The following VPS41 variants were observed in gnomAD, a reference collection of about 807,000 sequenced individuals.
The protein encoded by VPS41 is vacuolar protein sorting-associated protein 41 homolog.
Under a neutral mutation model 130.9 loss-of-function variants are expected in VPS41, and 85 were observed. The ratio of observed to expected loss-of-function variants is 0.65; its 90% CI spans 0.55 to 0.78. The LOEUF (loss-of-function observed/expected upper bound fraction) is 0.78. VPS41 is among the 30% of genes least tolerant of loss of function. The pLI, the probability that VPS41 is intolerant of heterozygous loss-of-function variation, is 0.00. For synonymous variants in VPS41, 335 were observed against 332.9 expected, an observed-to-expected ratio of 1.01 and a Z score of -0.07; for missense variants, 874 against 1,018.7, an observed-to-expected ratio of 0.86 and a Z score of 1.93.
chr7:38,802,777 G>C (rs555246342), intron 7 of VPS41, among the ~76,000 whole-genome samples: 3 of 152,160 alleles, frequency 2.0e-5, no homozygotes, highest in African/African-American at 7.2e-5. Context: ...GACCTACTGA[G>C]CACGAATGTT....
At chr7:38,857,514 C>T (rs1321136468) in intron 4 of VPS41, among the ~76,000 whole-genome samples, 1 of 152,176 alleles carries the variant, frequency 6.6e-6, no homozygotes, top group Non-Finnish European at 1.5e-5. Context: ...TTAACAGAGA[C>T]ATGGCACAAT....
At chr7:38,796,910 A>G in intron 7 of VPS41, 46 bp from the exon 8 acceptor site, 1 of 1,610,750 alleles carries the variant, frequency 6.2e-7, no homozygotes, top group Non-Finnish European at 8.5e-7. Flanking sequence ...ACTGAAAATA[A>G]TGTATCAGGT....
intron 7 of VPS41, among the ~76,000 whole-genome samples, chr7:38,807,527 G>C (rs775984679): frequency 5.9e-5 from 9 of 152,058 alleles, no homozygotes; most frequent in Non-Finnish European, 1.5e-5. Context: ...TCTGACTAAT[G>C]GTCTTATTAA....
chr7:38,889,247 A>G (rs888645312), intron 2 of VPS41, among the ~76,000 whole-genome samples: 1 of 152,126 alleles, frequency 6.6e-6, no homozygotes, highest in African/African-American at 2.4e-5. Context: ...AACTTTCACA[A>G]TTTGGTGAAG....
At chr7:38,868,433 G>C (rs1383198374) in intron 3 of VPS41, among the ~76,000 whole-genome samples, 1 of 152,200 alleles carries the variant, frequency 6.6e-6, no homozygotes, top group Non-Finnish European at 1.5e-5. Context: ...AGTAACATAG[G>C]ATAAAGCCAG....
chr7:38,771,068 A>G (rs536648594), intron 14 of VPS41, 130 bp downstream of exon 14: 15 of 698,396 alleles, frequency 2.1e-5, no homozygotes, highest in African/African-American at 1.1e-4. Context: ...TTGATCTCAT[A>G]GGTTAGGGAA....
At chr7:38,791,955 C>A (rs940328191) in intron 9 of VPS41, among the ~76,000 whole-genome samples, 4 of 152,054 alleles carry the variant, frequency 2.6e-5, no homozygotes, top group Non-Finnish European at 4.4e-5. Flanking sequence ...ACTCAGACAC[C>A]CCTGAAAGAC....
At chr7:38,838,530 T>G (rs749250243) in intron 4 of VPS41, among the ~76,000 whole-genome samples, 6 of 152,198 alleles carry the variant, frequency 3.9e-5, no homozygotes, top group African/African-American at 9.7e-5. Context: ...AATGGAGACA[T>G]GTTTGGAATT....
At chr7:38,787,322 G>C (rs1277480786) in intron 10 of VPS41, among the ~76,000 whole-genome samples, 1 of 152,110 alleles carries the variant, frequency 6.6e-6, no homozygotes, top group African/African-American at 2.4e-5. Flanking sequence ...GATCATGGAA[G>C]ACTTTGGTGA....
chr7:38,772,636 T>C lies in VPS41; in HGVS notation c.1014A>G (p.Glu338=), dbSNP rs1584388248. 6.2e-7 allele frequency: 1 copy of C among 1,602,318 alleles called. No homozygotes were observed. Among genetic ancestry groups the C allele is most frequent in the African/African-American group, 1.3e-5 (1 of 74,776 alleles). The change falls in exon 13 of 29, where the codon GAA becomes GAG. Residue 338 remains glutamate, a splice_region_variant and synonymous_variant. Coordinates refer to ENST00000310301, the MANE Select transcript of VPS41 (RefSeq NM_014396.4). ...AAAAAAGTGATTCCCCTTCAGAGTATTCTGTAGGTGAGAAAAGAGAGGAAC... is the reference window on the plus strand; with the variant it reads ...AAAAAAGTGATTCCCCTTCAGAGTACTCTGTAGGTGAGAAAAGAGAGGAAC... ...QENECRDYHL[E]YSEGESLFYI...
intron 11 of VPS41, 76 bp from the exon 12 acceptor site, chr7:38,774,320 T>C (rs1425145422): frequency 1.4e-5 from 19 of 1,346,466 alleles, no homozygotes; most frequent in Non-Finnish European, 1.7e-5. Context: ...TAGTTAGCCA[T>C]ACATATTAGT....
Position 38,774,232 on chromosome 7 carries a change from A to C in VPS41, c.895T>G (p.Cys299Gly). The C allele has an allele frequency of 6.3e-7, 1 of 1,586,800 alleles. No individual in the cohort carries two copies. ...EISEKTEREY[C>G]ARPRLDIIQP... ...ATGATGTCCAGTCTAGGCCTGGCAC[A>C]GTATTCTCTTTCCTAGTGGGGGAAA... The change falls in exon 12 of 29, where the codon TGT becomes GGT. Residue 299 changes from cysteine (C) to glycine (G), a missense_variant. Transcript: ENST00000310301.
chr7:38,820,928 C>CGTGT (rs138575177), intron 6 of VPS41, among the ~76,000 whole-genome samples: 1 of 151,318 alleles, frequency 6.6e-6, no homozygotes, highest in Non-Finnish European at 1.5e-5. Flanking sequence ...TACCACAGAT[C>CGTGT]GTGTGTGTGT....
At position 38,724,157 on chromosome 7, in the gene VPS41, G is replaced by A. The variant is rs1483656125; in HGVS notation, c.*2089C>T. On this transcript the variant is annotated 3_prime_UTR_variant, in exon 29 of 29. Transcript: ENST00000310301. ...ATTATTTTCTCCTTTTCTATAAGTA[G>A]GATTTTCTTTATGTCCAAATAGGAC... The A allele has an allele frequency of 6.6e-6, 1 of 152,054 alleles. No homozygotes were observed. The highest frequency in any genetic ancestry group is 1.9e-4 in the East Asian group (1 of 5,196). 9.4% of individuals were successfully genotyped at this position (152,054 alleles called of 1,614,324 possible).
chr7:38,796,598 C>T (rs951598649), intron 8 of VPS41, 147 bp downstream of exon 8: 10 of 1,159,866 alleles, frequency 8.6e-6, no homozygotes, highest in Admixed American at 1.9e-5. Flanking sequence ...TTTCTTTAAC[C>T]TCCTAGGTAT....
At chr7:38,805,136 C>T (rs1784813950) in intron 7 of VPS41, among the ~76,000 whole-genome samples, 1 of 152,206 alleles carries the variant, frequency 6.6e-6, no homozygotes, top group Admixed American at 6.5e-5. Flanking sequence ...AATCCTTGCA[C>T]AGTGAGTATA....
intron 3 of VPS41, among the ~76,000 whole-genome samples, chr7:38,868,023 G>C (rs1241168949): frequency 1.3e-5 from 2 of 152,196 alleles, no homozygotes; most frequent in Non-Finnish European, 2.9e-5. Flanking sequence ...GAGCACAAAA[G>C]CTTGAAGTAT....
chr7:38,908,138 A>G (rs1453051846), intron 1 of VPS41, among the ~76,000 whole-genome samples: 1 of 152,214 alleles, frequency 6.6e-6, no homozygotes, highest in East Asian at 1.9e-4. Context: ...GAACTAGGTA[A>G]ATGACTCTTA....
chr7:38,861,955 A>G (rs1454816877), intron 4 of VPS41, among the ~76,000 whole-genome samples: 1 of 152,230 alleles, frequency 6.6e-6, no homozygotes, highest in African/African-American at 2.4e-5. Flanking sequence ...TTAGCTTTGT[A>G]TATTTAGAAG....
Sources: allele counts gnomAD v4.1 joint callset (sites outside exome capture counted in the v4.1 genomes callset), GRCh38; gene constraint gnomAD v4.1.1; transcripts MANE v1.5; gene names NCBI Gene and HGNC (gene_info 2026-07-23, HGNC 2026-07-21).